FHOD3: variants seen among roughly 807,000 people sequenced by gnomAD.
FHOD3 encodes the protein FH1/FH2 domain-containing protein 3.
In FHOD3, 90 loss-of-function variants were observed where a neutral mutation model predicts 173.0. The observed-to-expected ratio is 0.52, with a 90% CI of 0.44 to 0.62. The LOEUF is 0.62. Among genes scored for constraint, FHOD3 ranks in the 20% least tolerant of loss-of-function variants. FHOD3 has a pLI of 0.00. For missense variants in FHOD3, 1,945 were observed against 2,034.7 expected, an observed-to-expected ratio of 0.96 and a Z score of 0.85; for synonymous variants, 828 against 823.0, an observed-to-expected ratio of 1.01 and a Z score of -0.10.
intron 6 of FHOD3, 46 bp downstream of exon 6, chr18:36,576,591 C>T: frequency 6.9e-7 from 1 of 1,443,462 alleles, no homozygotes; most frequent in Non-Finnish European, 9.6e-7. Context: ...TGTCATATCA[C>T]TTGCCTTTCT....
At position 36,416,727 on chromosome 18, in the gene FHOD3, A is replaced by G. The variant is rs578242197; in HGVS notation, c.337+43983A>G. Among the ~76,000 whole-genome samples the G allele has an allele frequency of 5.5e-4, 84 of 151,998 alleles. No homozygotes were observed. The South Asian group carries it at 0.016, about 29-fold the overall frequency. ...CTCTCCCAGCTCTCCCTTCCTCCATATGCTTTGCAGGGTGATCTTTCTGAA... is the reference window on the plus strand; with the variant it reads ...CTCTCCCAGCTCTCCCTTCCTCCATGTGCTTTGCAGGGTGATCTTTCTGAA... On this transcript the variant is annotated intron_variant, in intron 3 of 28. Transcript: ENST00000590592.
At chr18:36,427,417 C>T (rs1385143070) in intron 3 of FHOD3, among the ~76,000 whole-genome samples, 1 of 152,122 alleles carries the variant, frequency 6.6e-6, no homozygotes, top group Non-Finnish European at 1.5e-5. Context: ...CGGCCCCTCT[C>T]CATCCCTGAA....
chr18:36,690,766 A>G (rs1023640800), intron 16 of FHOD3, among the ~76,000 whole-genome samples: 3 of 152,174 alleles, frequency 2.0e-5, no homozygotes, highest in Non-Finnish European at 2.9e-5. Flanking sequence ...TCAAATGCAC[A>G]TCACATGAAA....
chr18:36,685,350 A>G (rs553245369), intron 15 of FHOD3, among the ~76,000 whole-genome samples: 1 of 152,354 alleles, frequency 6.6e-6, no homozygotes, highest in African/African-American at 2.4e-5. Context: ...CTGCAGTTCC[A>G]TATTTCTGAG....
chr18:36,502,348 A>T (rs1420003457), intron 4 of FHOD3, among the ~76,000 whole-genome samples: 1 of 151,928 alleles, frequency 6.6e-6, no homozygotes, highest in Non-Finnish European at 1.5e-5. Flanking sequence ...TGCTGCACCC[A>T]TCAACCCATC....
chr18:36,556,547 G>A (rs961326316), intron 5 of FHOD3, among the ~76,000 whole-genome samples: 10 of 152,100 alleles, frequency 6.6e-5, no homozygotes, highest in Admixed American at 5.9e-4. Context: ...TTCAGATGAC[G>A]TTATACCTCT....
intron 3 of FHOD3, among the ~76,000 whole-genome samples, chr18:36,393,323 C>G (rs1208731409): frequency 6.6e-6 from 1 of 152,142 alleles, no homozygotes; most frequent in Non-Finnish European, 1.5e-5. Context: ...TTGTATTGTT[C>G]TCTCCAAGGT....
At chr18:36,759,006 T>G in intron 25 of FHOD3, 112 bp from the exon 26 acceptor site, 1 of 1,213,828 alleles carries the variant, frequency 8.2e-7, no homozygotes, top group Non-Finnish European at 1.2e-6. Context: ...GGTGACCAGT[T>G]TATTTACTTG....
chr18:36,364,885 G>A (rs2046820035), intron 2 of FHOD3, among the ~76,000 whole-genome samples: 1 of 152,116 alleles, frequency 6.6e-6, no homozygotes, highest in South Asian at 2.1e-4. Context: ...GATTTAGGGT[G>A]TCTGAAGGGG....
intron 1 of FHOD3, among the ~76,000 whole-genome samples, chr18:36,300,470 A>G (rs1374330384): frequency 6.6e-6 from 1 of 152,218 alleles, no homozygotes; most frequent in Non-Finnish European, 1.5e-5. Context: ...TATAGTTATC[A>G]ACTCTGCTGT....
chr18:36,387,553 T>A (rs756331215), intron 3 of FHOD3, among the ~76,000 whole-genome samples: 1 of 152,216 alleles, frequency 6.6e-6, no homozygotes, highest in African/African-American at 2.4e-5. Context: ...GTAACTATTA[T>A]GTTAAGTGCT....
intron 3 of FHOD3, among the ~76,000 whole-genome samples, chr18:36,432,326 G>C (rs2050592581): frequency 6.6e-6 from 1 of 152,230 alleles, no homozygotes; most frequent in South Asian, 2.1e-4. Context: ...ATTTAAATAG[G>C]ACTGTCAACT....
intron 14 of FHOD3, among the ~76,000 whole-genome samples, chr18:36,661,873 G>GT (rs2036833111): frequency 6.6e-6 from 1 of 152,132 alleles, no homozygotes; most frequent in Non-Finnish European, 1.5e-5. Context: ...TTTTCATGAA[G>GT]TTTGGAACTT....
At chr18:36,733,038 A>G (rs2041450680) in intron 20 of FHOD3, among the ~76,000 whole-genome samples, 1 of 152,210 alleles carries the variant, frequency 6.6e-6, no homozygotes, top group African/African-American at 2.4e-5. Context: ...AGGGAAATTA[A>G]CATTGCCGAC....
At chr18:36,336,841 T>C (rs1475449086) in intron 1 of FHOD3, among the ~76,000 whole-genome samples, 1 of 53,472 alleles carries the variant, frequency 1.9e-5, no homozygotes, top group Non-Finnish European at 3.3e-5. Flanking sequence ...AGAGTGAAAC[T>C]CCGTCTCAAA....
At chr18:36,418,994 G>T (rs2049833932) in intron 3 of FHOD3, among the ~76,000 whole-genome samples, 1 of 151,954 alleles carries the variant, frequency 6.6e-6, no homozygotes, top group Non-Finnish European at 1.5e-5. Flanking sequence ...TAAAATAGTG[G>T]TCTGGGGGGA....
At chr18:36,645,412 A>G (rs2035611933) in intron 10 of FHOD3, among the ~76,000 whole-genome samples, 1 of 151,972 alleles carries the variant, frequency 6.6e-6, no homozygotes, top group African/African-American at 2.4e-5. Flanking sequence ...TGGGTGACAG[A>G]GTGAGACTCT....
intron 3 of FHOD3, among the ~76,000 whole-genome samples, chr18:36,489,710 A>T (rs1044536234): frequency 1.3e-5 from 2 of 152,200 alleles, no homozygotes; most frequent in Non-Finnish European, 2.9e-5. Flanking sequence ...TAGAAAAAGG[A>T]ATACGTGAGT....
intron 9 of FHOD3, among the ~76,000 whole-genome samples, chr18:36,615,928 C>G (rs2033154459): frequency 1.3e-5 from 2 of 152,332 alleles, no homozygotes; most frequent in South Asian, 4.1e-4. Context: ...AACATATTTG[C>G]TGGCAGCACT....
Sources: gnomAD v4.1 joint callset for allele counts (sites outside exome capture counted in the v4.1 genomes callset) on GRCh38, gnomAD v4.1.1 for gene constraint, MANE v1.5 for transcripts, NCBI Gene and HGNC (gene_info 2026-07-23, HGNC 2026-07-21) for gene names.